Variants in RTN4 observed in about 807,000 individuals in gnomAD.
The protein encoded by RTN4 is reticulon-4.
Under a neutral mutation model 90.4 loss-of-function variants are expected in RTN4, and 32 were observed. That is an observed-to-expected ratio of 0.35 (90% confidence interval 0.27 to 0.48). The LOEUF (loss-of-function observed/expected upper bound fraction) is 0.48, where lower values mean the gene tolerates loss of function less well. Ranked by LOEUF, RTN4 falls within the 20% of genes least tolerant of loss-of-function variation. The pLI, the probability that RTN4 is intolerant of heterozygous loss-of-function variation, is 0.99. For missense variants in RTN4, 1,706 were observed against 1,430.2 expected, an observed-to-expected ratio of 1.19 and a Z score of -3.11; for synonymous variants, 629 against 552.5, an observed-to-expected ratio of 1.14 and a Z score of -1.94.
chr2:55,118,622 C>T, the RTN4 span, among the ~76,000 whole-genome samples: 43,561 of 151,970 alleles, frequency 0.29, 6,765 homozygotes, highest in African/African-American at 0.39. Context: ...GCACAAACTC[C>T]CTCTCAACTT....
At chr2:55,010,941 T>G (rs1052594839) in intron 3 of RTN4, among the ~76,000 whole-genome samples, 1 of 152,238 alleles carries the variant, frequency 6.6e-6, no homozygotes, top group Non-Finnish European at 1.5e-5. Context: ...CAGACAGTAT[T>G]AATAGATTCT....
intron 1 of RTN4, among the ~76,000 whole-genome samples, chr2:55,106,082 G>C (rs1288788550): frequency 6.6e-6 from 1 of 152,038 alleles, no homozygotes; most frequent in Non-Finnish European, 1.5e-5. Flanking sequence ...TCAATTATAT[G>C]TTCTACTATT....
chr2:55,008,535 T>C (rs1018040935), intron 3 of RTN4, among the ~76,000 whole-genome samples: 1 of 151,984 alleles, frequency 6.6e-6, no homozygotes, highest in African/African-American at 2.4e-5. Context: ...GCCAGACAGG[T>C]ACTAAAAAAT....
In RTN4 at chr2:55,027,236, T is replaced by C. The variant is rs199715715; in HGVS notation, c.863A>G (p.Asp288Gly). The change falls in exon 3 of 9, where the codon GAT (aspartate) becomes GGT (glycine). Residue 288 changes from aspartate to glycine, a missense_variant. Coordinates refer to ENST00000337526, the MANE Select transcript of RTN4 (RefSeq NM_020532.5). ...EKAKTLLIDR[D>G]LTEFSELEYS... ...TTCTAATTCTGAAAACTCTGTTAAA[T>C]CTCTATCTATGAGTAGAGTTTTTGC... 121 of 1,613,806 alleles carry C rather than the reference T, an allele frequency of 7.5e-5. No homozygotes were observed. The East Asian group carries it at 2.5e-3, about 33-fold the overall frequency.
At chr2:55,045,026 A>C (rs1265169393) in intron 1 of RTN4, among the ~76,000 whole-genome samples, 1 of 152,126 alleles carries the variant, frequency 6.6e-6, no homozygotes, top group Non-Finnish European at 1.5e-5. Context: ...CTTTATATTA[A>C]GAACTGATAC....
intron 1 of RTN4, among the ~76,000 whole-genome samples, chr2:55,097,698 A>G (rs1014225918): frequency 3.3e-5 from 5 of 152,142 alleles, no homozygotes; most frequent in South Asian, 2.1e-4. Context: ...GAGACGGAAT[A>G]GGTTGCTGGG....
chr2:55,053,034 T>C (rs1668125212), upstream of RTN4, among the ~76,000 whole-genome samples: 1 of 152,190 alleles, frequency 6.6e-6, no homozygotes, highest in Admixed American at 6.5e-5. Context: ...AAATAGTAGA[T>C]TTACAATTTT....
At chr2:54,988,296 G>A (rs1487062406) in intron 3 of RTN4, among the ~76,000 whole-genome samples, 2 of 152,162 alleles carry the variant, frequency 1.3e-5, no homozygotes, top group Non-Finnish European at 2.9e-5. Flanking sequence ...CAGAATGGGC[G>A]ACAGAGCAGG....
intron 3 of RTN4, among the ~76,000 whole-genome samples, chr2:55,005,155 C>G (rs962688484): frequency 2.0e-5 from 3 of 152,098 alleles, no homozygotes; most frequent in Admixed American, 6.6e-5. Flanking sequence ...CCAGGATAGA[C>G]AGAAGAAACT....
chr2:55,033,848 T>C (rs926130157), intron 1 of RTN4, among the ~76,000 whole-genome samples: 2 of 152,234 alleles, frequency 1.3e-5, no homozygotes, highest in African/African-American at 4.8e-5. Flanking sequence ...CTGGGTTATA[T>C]ATCACCTCAA....
chr2:55,106,342 A>G (rs762538109), intron 1 of RTN4, among the ~76,000 whole-genome samples: 5 of 151,488 alleles, frequency 3.3e-5, no homozygotes, highest in Admixed American at 2.6e-4. Context: ...TAATATAATC[A>G]TCTGTGCATA....
At chr2:54,983,748 T>A (rs924479281) in intron 4 of RTN4, among the ~76,000 whole-genome samples, 4 of 152,236 alleles carry the variant, frequency 2.6e-5, no homozygotes, top group African/African-American at 9.6e-5. Flanking sequence ...TAACCTTATG[T>A]GAGCTATCTT....
rs772144368 is a variant in RTN4 at position 55,026,991 on chromosome 2, T to C, written c.1108A>G (p.Asn370Asp). Residue 370 changes from asparagine (N) to aspartate (D), a missense_variant, in exon 3 of 9, where the codon AAT becomes GAT. Asn to Asp is a conservative substitution (Grantham distance 23). Transcript: ENST00000337526. ...VSSEKAKDSF[N>D]EKRVAVEAPM... ...GCTTCCACTGCAACTCTCTTTTCAT[T>C]AAAACTGTCTTTTGCTTTTTCTGAA... The C allele has an allele frequency of 6.8e-6, 11 of 1,613,384 alleles. No homozygotes were observed. Among genetic ancestry groups the C allele is most frequent in the Non-Finnish European group, 9.3e-6 (11 of 1,179,894 alleles).
At chr2:55,082,891 C>A (rs1255441388) in intron 1 of RTN4, among the ~76,000 whole-genome samples, 2 of 152,108 alleles carry the variant, frequency 1.3e-5, no homozygotes, top group African/African-American at 2.4e-5. Flanking sequence ...TAAGAAGTAG[C>A]ATTTCTCTGA....
chr2:55,063,420 G>A (rs925987733), intron 2 of RTN4, among the ~76,000 whole-genome samples: 2 of 152,128 alleles, frequency 1.3e-5, no homozygotes, highest in African/African-American at 4.8e-5. Context: ...CATGTTCACA[G>A]AATTAAAAGG....
intron 1 of RTN4, among the ~76,000 whole-genome samples, chr2:55,048,316 G>C (rs1003182716): frequency 6.6e-6 from 1 of 152,168 alleles, no homozygotes; most frequent in African/African-American, 2.4e-5. Context: ...ACACTCTACG[G>C]TTAGGCTACA....
intron 1 of RTN4, among the ~76,000 whole-genome samples, chr2:55,084,073 G>A (rs960825698): frequency 6.6e-6 from 1 of 152,100 alleles, no homozygotes; most frequent in African/African-American, 2.4e-5. Context: ...GCCCTACTCT[G>A]CAACCTCCAG....
At chr2:55,048,662 G>A (rs1241460005) in intron 1 of RTN4, among the ~76,000 whole-genome samples, 6 of 151,984 alleles carry the variant, frequency 3.9e-5, no homozygotes, top group African/African-American at 1.5e-4. Flanking sequence ...CCTAAACGTC[G>A]TTATGAGGCA....
intron 3 of RTN4, among the ~76,000 whole-genome samples, chr2:54,998,685 G>A (rs1679633463): frequency 6.6e-6 from 1 of 152,058 alleles, no homozygotes; most frequent in Non-Finnish European, 1.5e-5. Flanking sequence ...AATGCTTGCT[G>A]CACTGTCTGA....
Sources: gnomAD v4.1 joint callset for allele counts (sites outside exome capture counted in the v4.1 genomes callset) on GRCh38, gnomAD v4.1.1 for gene constraint, MANE v1.5 for transcripts, NCBI Gene and HGNC (gene_info 2026-07-23, HGNC 2026-07-21) for gene names.